The following GLOD4 variants were observed in gnomAD, a reference collection of about 807,000 sequenced individuals.
The protein encoded by GLOD4 is glyoxalase domain-containing protein 4.
GLOD4 carries 44 observed loss-of-function variants against 39.1 expected under a neutral mutation model. The observed-to-expected ratio is 1.13, with a 90% CI of 0.88 to 1.45. The LOEUF (loss-of-function observed/expected upper bound fraction) is 1.45, where lower values mean the gene tolerates loss of function less well. Ranked by LOEUF, GLOD4 falls within the 40% of genes most tolerant of loss-of-function variation. The pLI, the probability that GLOD4 is intolerant of heterozygous loss-of-function variation, is 0.00. For missense variants in GLOD4, 405 were observed against 366.4 expected, an observed-to-expected ratio of 1.11 and a Z score of -0.86; for synonymous variants, 145 against 135.0, an observed-to-expected ratio of 1.07 and a Z score of -0.52.
chr17:774,095 GCAAAGGATCAATCACCTATCAA>G (rs1483681198), intron 4 of GLOD4, among the ~76,000 whole-genome samples: 2 of 152,188 alleles, frequency 1.3e-5, no homozygotes, highest in African/African-American at 4.8e-5. Context: ...TTTAAAGTCA[GCAAAGGATCAATCACCTATCAA>G]CAAAAAAACA....
intron 6 of GLOD4, 54 bp from the exon 7 acceptor site, chr17:770,211 G>T: frequency 1.0e-6 from 1 of 954,952 alleles, no homozygotes. Context: ...CTCAGGACAC[G>T]GCCCTCGTCA....
At chr17:766,375 C>T (rs1336262759) in intron 8 of GLOD4, among the ~76,000 whole-genome samples, 1 of 151,558 alleles carries the variant, frequency 6.6e-6, no homozygotes, top group African/African-American at 2.4e-5. Flanking sequence ...GCAGACGGAT[C>T]GCCTGAAGTT....
chr17:782,367 G>C, upstream of GLOD4: 1 of 1,613,516 alleles, frequency 6.2e-7, no homozygotes, highest in Non-Finnish European at 8.5e-7. Flanking sequence ...CGCAGCCCGG[G>C]TCTCAGGGAA....
upstream of GLOD4, chr17:783,317 A>G (rs139016564): frequency 1.4e-3 from 2,202 of 1,611,888 alleles, 31 homozygotes; most frequent in Admixed American, 0.035. Context: ...TAACGCCACA[A>G]GGAATAATGG....
rs540793106 is a variant in GLOD4 at position 769,291 on chromosome 17, C to G, written c.831+578G>C. 5.7e-5 allele frequency among the ~76,000 whole-genome samples: 8 copies of G among 140,936 alleles called. No homozygotes were observed. In the South Asian group the frequency reaches 1.8e-3, roughly 32 times the overall value. The allele number at this position is 140,936 out of a possible 152,430, so 92.5% of individuals were successfully genotyped here. ...TCTCCATGGGGAGAGCTGAGGGGAA[C>G]GGATGGAGGCATCTCCATGGCAAGA... is the stretch of plus-strand genomic sequence containing the variant. On this transcript the variant is annotated intron_variant, in intron 8 of 8. Transcript: ENST00000301329.
intron 4 of GLOD4, among the ~76,000 whole-genome samples, 188 bp from the exon 5 acceptor site, chr17:771,649 C>T (rs551011537): frequency 2.6e-5 from 4 of 152,320 alleles, no homozygotes; most frequent in Admixed American, 1.3e-4. Flanking sequence ...AGGAGGATTG[C>T]GTGAGCCTAG....
chr17:759,549 A>G lies in GLOD4; in HGVS notation c.*624T>C, dbSNP rs1160481994. On this transcript the variant is annotated 3_prime_UTR_variant, in exon 9 of 9. Coordinates refer to ENST00000301329, the MANE Select transcript of GLOD4 (RefSeq NM_016080.4). Reference sequence around the variant, plus strand: ...CGGAAAAAAATAAAACAAAATATATACACAGAAAGAAGCTCGCACAGAGTC... The same window carrying G: ...CGGAAAAAAATAAAACAAAATATATGCACAGAAAGAAGCTCGCACAGAGTC... 3 of 152,208 alleles carry G rather than the reference A, an allele frequency of 2.0e-5. No homozygotes were observed. The highest frequency in any genetic ancestry group is 4.4e-5 in the Non-Finnish European group (3 of 68,040). 9.4% of individuals were successfully genotyped at this position (152,208 alleles called of 1,614,324 possible).
upstream of GLOD4, among the ~76,000 whole-genome samples, chr17:783,777 A>G (rs1387203497): frequency 1.3e-5 from 2 of 152,236 alleles, no homozygotes; most frequent in Admixed American, 6.5e-5. Context: ...AGTATTTTCA[A>G]TGGAAATTGA....
intron 4 of GLOD4, among the ~76,000 whole-genome samples, 189 bp from the exon 5 acceptor site, chr17:771,650 G>A (rs764954603): frequency 3.3e-5 from 5 of 152,170 alleles, no homozygotes; most frequent in Admixed American, 1.3e-4. Flanking sequence ...GGAGGATTGC[G>A]TGAGCCTAGG....
chr17:785,894 A>C (rs2144520624), upstream of GLOD4, among the ~76,000 whole-genome samples: 1 of 152,366 alleles, frequency 6.6e-6, no homozygotes, highest in South Asian at 2.1e-4. Context: ...GAAGATGGGC[A>C]CAGGTTGTAG....
At chr17:784,131 T>C (rs946869898), upstream of GLOD4, among the ~76,000 whole-genome samples, 1 of 152,238 alleles carries the variant, frequency 6.6e-6, no homozygotes, top group Non-Finnish European at 1.5e-5. Flanking sequence ...CGATGTTGAT[T>C]AGCAGTTACA....
intron 8 of GLOD4, 48 bp downstream of exon 8, chr17:769,821 C>A: frequency 1.9e-6 from 2 of 1,070,576 alleles, no homozygotes; most frequent in Middle Eastern, 2.0e-4. Context: ...ACACTTAATG[C>A]CATCCCTCTC....
In GLOD4 at chr17:775,927, AAAC is replaced by A. The variant is rs766650206; in HGVS notation, c.262-11_262-9del. 2.5e-6 allele frequency: 4 copies of A among 1,610,818 alleles called. No homozygotes were observed. Among genetic ancestry groups the A allele is most frequent in the Non-Finnish European group, 3.4e-6 (4 of 1,177,130 alleles). On this transcript the variant is annotated splice_polypyrimidine_tract_variant and intron_variant, in intron 3 of 8. Transcript: ENST00000301329. ...AGAAGCGAGCGTGATTCCCTACAAC[AAAC>A]AACAGTACATCCAAGTACATGATCA...
chr17:778,338 C>G, intron 2 of GLOD4: 1 of 388,622 alleles, frequency 2.6e-6, no homozygotes, highest in Non-Finnish European at 4.6e-6. Flanking sequence ...CTTGCAGGAT[C>G]TGACATTAAC....
At chr17:783,411 A>G, upstream of GLOD4, 1 of 1,352,070 alleles carries the variant, frequency 7.4e-7, no homozygotes, top group Non-Finnish European at 9.9e-7. Context: ...ATCTCGGCCC[A>G]CTGCAACCTC....
chr17:774,844 G>A (rs190363879), intron 4 of GLOD4, among the ~76,000 whole-genome samples: 14 of 152,210 alleles, frequency 9.2e-5, no homozygotes, highest in African/African-American at 2.7e-4. Flanking sequence ...TGAGGCAGGC[G>A]GATCAAGTGA....
chr17:771,972 C>T (rs1446480205), intron 4 of GLOD4, among the ~76,000 whole-genome samples: 5 of 144,140 alleles, frequency 3.5e-5, no homozygotes, highest in East Asian at 4.0e-4. Flanking sequence ...GAGATGGCGC[C>T]GTTGCACTCT....
Position 775,827 on chromosome 17 carries a change from C to A in GLOD4, c.354G>T (p.Glu118Asp). The stretch of plus-strand genomic sequence containing the variant: ...AATAGAACTTATATCCTCCCGGGGC[C>A]TCGGTTTCAAAAACACCTTCTGCAA... ...TEVAEGVFETEAPGGYKFYLQ... is the reference protein window; with the variant it reads ...TEVAEGVFETDAPGGYKFYLQ... Residue 118 changes from glutamate to aspartate, a missense_variant, in exon 4 of 9, where the codon GAG becomes GAT. Physicochemically the swap from Glu to Asp is conservative, Grantham distance 45. Transcript: ENST00000301329. 1 of 1,614,014 alleles carries A rather than the reference C, an allele frequency of 6.2e-7. No homozygotes were observed. Among genetic ancestry groups the A allele is most frequent in the Non-Finnish European group, 8.5e-7 (1 of 1,179,900 alleles).
intron 5 of GLOD4, 81 bp from the exon 6 acceptor site, chr17:770,588 A>T (rs1322970734): frequency 1.3e-6 from 1 of 763,892 alleles, no homozygotes; most frequent in African/African-American, 1.7e-5. Context: ...CAAATATTAT[A>T]TACTAAAGGA....
Sources: gnomAD v4.1 joint callset for allele counts (sites outside exome capture counted in the v4.1 genomes callset) on GRCh38, gnomAD v4.1.1 for gene constraint, MANE v1.5 for transcripts, NCBI Gene and HGNC (gene_info 2026-07-23, HGNC 2026-07-21) for gene names.